SPAG16: variants seen among roughly 807,000 people sequenced by gnomAD.
The protein encoded by SPAG16 is sperm associated antigen 16, also known as sperm-associated antigen 16 protein.
In SPAG16, 86 loss-of-function variants were observed where a neutral mutation model predicts 80.4. The ratio of observed to expected loss-of-function variants is 1.07; its 90% CI spans 0.90 to 1.28. The LOEUF (loss-of-function observed/expected upper bound fraction) is 1.28. Ranked by LOEUF, SPAG16 falls within the 50% of genes most tolerant of loss-of-function variation. The pLI is 0.00. For synonymous variants in SPAG16, 294 were observed against 265.9 expected (o/e 1.11, Z -1.03); for missense variants, 870 against 765.3 (o/e 1.14, Z -1.61).
intron 10 of SPAG16, among the ~76,000 whole-genome samples, chr2:213,713,288 TGG>T (rs2066087490): frequency 6.6e-6 from 1 of 152,182 alleles, no homozygotes; most frequent in Non-Finnish European, 1.5e-5. Flanking sequence ...AGGCAGGGGA[TGG>T]GCCATATTTC....
chr2:214,189,026 CTTTTTACCT>C (rs2057571861), intron 15 of SPAG16, among the ~76,000 whole-genome samples: 1 of 152,092 alleles, frequency 6.6e-6, no homozygotes, highest in Non-Finnish European at 1.5e-5. Context: ...GAATCGTGGT[CTTTTTACCT>C]TTTAGTTGGG....
intron 10 of SPAG16, among the ~76,000 whole-genome samples, chr2:213,649,483 C>G (rs2062947254): frequency 6.6e-6 from 1 of 152,146 alleles, no homozygotes; most frequent in African/African-American, 2.4e-5. Flanking sequence ...AAAAATAACC[C>G]AGAATCCAGG....
At chr2:213,664,022 G>A (rs1419407302) in intron 10 of SPAG16, among the ~76,000 whole-genome samples, 1 of 152,046 alleles carries the variant, frequency 6.6e-6, no homozygotes, top group African/African-American at 2.4e-5. Flanking sequence ...AAATTGAAGT[G>A]TTGTCAGGGC....
At chr2:213,877,378 T>C (rs114658141) in intron 11 of SPAG16, among the ~76,000 whole-genome samples, 1,535 of 152,212 alleles carry the variant, frequency 0.01, 33 homozygotes, top group African/African-American at 0.034. Flanking sequence ...GGTGTGATCT[T>C]GGCTCACTAC....
At chr2:213,972,702 T>C (rs2045140900) in intron 12 of SPAG16, among the ~76,000 whole-genome samples, 1 of 152,214 alleles carries the variant, frequency 6.6e-6, no homozygotes, top group African/African-American at 2.4e-5. Context: ...AGTTTACACT[T>C]AAAATTAACC....
chr2:213,918,562 A>G (rs1022778712), intron 11 of SPAG16, among the ~76,000 whole-genome samples: 2 of 152,138 alleles, frequency 1.3e-5, no homozygotes, highest in Admixed American at 6.6e-5. Flanking sequence ...TTGTTAGTGA[A>G]TAAGTCTCAT....
At chr2:214,047,233 C>A (rs2049377400) in intron 13 of SPAG16, among the ~76,000 whole-genome samples, 2 of 152,028 alleles carry the variant, frequency 1.3e-5, no homozygotes, top group South Asian at 4.1e-4. Context: ...CCAAAGCTAT[C>A]CTAAGCAAAA....
chr2:213,824,484 T>C (rs2073148143), intron 10 of SPAG16, among the ~76,000 whole-genome samples: 1 of 152,224 alleles, frequency 6.6e-6, no homozygotes, highest in African/African-American at 2.4e-5. Flanking sequence ...CCAGCACTAT[T>C]TATGGAAGAG....
chr2:213,919,331 G>A (rs1445239450), intron 11 of SPAG16, among the ~76,000 whole-genome samples: 2 of 151,544 alleles, frequency 1.3e-5, no homozygotes, highest in Admixed American at 6.6e-5. Context: ...GTTAGTTTTT[G>A]GGTTCAGTTT....
At chr2:213,731,306 A>G (rs2372097) in intron 10 of SPAG16, among the ~76,000 whole-genome samples, 140,110 of 151,560 alleles carry the variant, frequency 0.92, 65,806 homozygotes, top group East Asian at 1. Flanking sequence ...ACAGGCACCC[A>G]CTAACATGCC....
intron 10 of SPAG16, among the ~76,000 whole-genome samples, chr2:213,599,341 T>A (rs2060985254): frequency 6.6e-6 from 1 of 152,168 alleles, no homozygotes; most frequent in South Asian, 2.1e-4. Context: ...AAACTACAGT[T>A]GTCCCTTGAA....
At chr2:214,082,861 A>G (rs781634383) in intron 13 of SPAG16, among the ~76,000 whole-genome samples, 3 of 152,104 alleles carry the variant, frequency 2.0e-5, no homozygotes, top group Non-Finnish European at 4.4e-5. Flanking sequence ...AAGCATTGCC[A>G]CTTTGTTTCT....
chr2:213,428,041 G>A (rs2070051193), intron 9 of SPAG16, among the ~76,000 whole-genome samples: 3 of 152,156 alleles, frequency 2.0e-5, no homozygotes, highest in South Asian at 4.1e-4. Context: ...AGAGTAGAGG[G>A]TTTTCTAGAG....
At chr2:213,288,763 C>T (rs1208229405) in intron 1 of SPAG16, among the ~76,000 whole-genome samples, 1 of 151,678 alleles carries the variant, frequency 6.6e-6, no homozygotes, top group East Asian at 1.9e-4. Context: ...ATGTGTTAAC[C>T]ACTTTTTCTT....
intron 15 of SPAG16, among the ~76,000 whole-genome samples, chr2:214,318,373 C>CTTTTTTTTTTT (rs34923875): frequency 1.4e-5 from 1 of 69,804 alleles, no homozygotes. Flanking sequence ...AGAGTGAATT[C>CTTTTTTTTTTT]TTTTTTTTTT....
chr2:213,354,779 G>T (rs2065534610), intron 7 of SPAG16, among the ~76,000 whole-genome samples: 1 of 152,140 alleles, frequency 6.6e-6, no homozygotes, highest in African/African-American at 2.4e-5. Context: ...TGTCAGATGG[G>T]TAGATGGCAA....
intron 15 of SPAG16, among the ~76,000 whole-genome samples, chr2:214,369,644 T>C (rs1699690799): frequency 6.6e-6 from 1 of 152,112 alleles, no homozygotes; most frequent in Non-Finnish European, 1.5e-5. Context: ...TCTCAACATG[T>C]GGCATGCCCT....
At chr2:213,689,668 A>G (rs901403281) in intron 10 of SPAG16, among the ~76,000 whole-genome samples, 4 of 151,290 alleles carry the variant, frequency 2.6e-5, no homozygotes, top group Non-Finnish European at 5.9e-5. Context: ...TGAGTTCTGA[A>G]TATATTGTTC....
intron 13 of SPAG16, among the ~76,000 whole-genome samples, chr2:214,095,393 G>A (rs60254790): frequency 0.019 from 2,864 of 152,140 alleles, 95 homozygotes; most frequent in African/African-American, 0.065. Context: ...AATCACACGT[G>A]TCTATCATAC....
Sources: gnomAD v4.1 joint callset for allele counts (sites outside exome capture counted in the v4.1 genomes callset) on GRCh38, gnomAD v4.1.1 for gene constraint, MANE v1.5 for transcripts, NCBI Gene and HGNC (gene_info 2026-07-23, HGNC 2026-07-21) for gene names.